The following NOS1AP variants were observed in gnomAD, a reference collection of about 807,000 sequenced individuals.
The protein encoded by NOS1AP is carboxyl-terminal PDZ ligand of neuronal nitric oxide synthase protein.
In NOS1AP, 21 loss-of-function variants were observed where a neutral mutation model predicts 56.2. The observed-to-expected ratio is 0.37, with a 90% confidence interval of 0.26 to 0.54. The LOEUF is 0.54. Ranked by LOEUF, NOS1AP falls within the 20% of genes least tolerant of loss-of-function variation. The pLI is 0.84. For missense variants in NOS1AP, 522 were observed against 657.8 expected (o/e 0.79, Z 2.26); for synonymous variants, 270 against 274.6 (o/e 0.98, Z 0.17).
chr1:162,285,569 C>A (rs1655063288), intron 2 of NOS1AP, among the ~76,000 whole-genome samples: 1 of 151,686 alleles, frequency 6.6e-6, no homozygotes, highest in South Asian at 2.1e-4. Context: ...TGTTATATGG[C>A]TGAGGTCCTG....
intron 6 of NOS1AP, among the ~76,000 whole-genome samples, chr1:162,353,135 A>G (rs1657579304): frequency 6.8e-6 from 1 of 147,488 alleles, no homozygotes; most frequent in Non-Finnish European, 1.5e-5. Flanking sequence ...GTCTTCACTC[A>G]AGCCCTCATA....
chr1:162,141,451 A>G (rs1649231593), intron 1 of NOS1AP, among the ~76,000 whole-genome samples: 1 of 152,246 alleles, frequency 6.6e-6, no homozygotes, highest in Non-Finnish European at 1.5e-5. Context: ...TGATCATTGA[A>G]CATTAGTCAG....
At chr1:162,272,277 T>C (rs1654603496) in intron 2 of NOS1AP, among the ~76,000 whole-genome samples, 1 of 152,154 alleles carries the variant, frequency 6.6e-6, no homozygotes, top group Non-Finnish European at 1.5e-5. Context: ...ATTCTAGAGG[T>C]ACACTAACAT....
At chr1:162,326,046 C>G (rs919204059) in intron 4 of NOS1AP, among the ~76,000 whole-genome samples, 1 of 152,128 alleles carries the variant, frequency 6.6e-6, no homozygotes, top group Non-Finnish European at 1.5e-5. Flanking sequence ...CATCTGTTGT[C>G]GCATCTGAAC....
At chr1:162,277,301 G>T (rs539395912) in intron 2 of NOS1AP, among the ~76,000 whole-genome samples, 1 of 152,156 alleles carries the variant, frequency 6.6e-6, no homozygotes, top group Non-Finnish European at 1.5e-5. Context: ...ATGATTGCTC[G>T]ACAGAGACAA....
chr1:162,138,771 G>A (rs1649108327), intron 1 of NOS1AP, among the ~76,000 whole-genome samples: 1 of 152,234 alleles, frequency 6.6e-6, no homozygotes, highest in African/African-American at 2.4e-5. Context: ...GGCAGCACCT[G>A]TGGCACCCCT....
At chr1:162,290,509 G>C (rs530599592) in intron 3 of NOS1AP, among the ~76,000 whole-genome samples, 333 of 152,272 alleles carry the variant, frequency 2.2e-3, no homozygotes, top group Admixed American at 4.0e-3. Flanking sequence ...TTGTGTAAAT[G>C]CACAATTTTC....
chr1:162,294,698 CTAGTT>C (rs1487460579), intron 3 of NOS1AP, among the ~76,000 whole-genome samples: 2 of 152,112 alleles, frequency 1.3e-5, no homozygotes, highest in African/African-American at 2.4e-5. Flanking sequence ...TTAATAAACT[CTAGTT>C]TAGAGACCTC....
chr1:162,166,620 C>G (rs1474750146), intron 2 of NOS1AP, among the ~76,000 whole-genome samples: 1 of 152,224 alleles, frequency 6.6e-6, no homozygotes, highest in Non-Finnish European at 1.5e-5. Context: ...ACCTTTGTTT[C>G]TGCATGCATC....
chr1:162,289,453 AC>A (rs1655211735), intron 3 of NOS1AP, among the ~76,000 whole-genome samples: 1 of 124,158 alleles, frequency 8.1e-6, no homozygotes, highest in South Asian at 2.8e-4. Context: ...GCCTGCCACC[AC>A]GCCCAGCTAC....
chr1:162,088,288 A>G (rs1241470805), intron 1 of NOS1AP, among the ~76,000 whole-genome samples: 1 of 152,072 alleles, frequency 6.6e-6, no homozygotes, highest in Non-Finnish European at 1.5e-5. Flanking sequence ...GTACTTTGCA[A>G]CCCTGCTGCA....
At chr1:162,256,998 A>C (rs1406887750) in intron 2 of NOS1AP, among the ~76,000 whole-genome samples, 7 of 152,172 alleles carry the variant, frequency 4.6e-5, no homozygotes, top group African/African-American at 1.7e-4. Context: ...CCTAAGTGAA[A>C]CTGACTTTTG....
At chr1:162,230,179 A>G (rs1653078841) in intron 2 of NOS1AP, among the ~76,000 whole-genome samples, 1 of 152,142 alleles carries the variant, frequency 6.6e-6, no homozygotes, top group African/African-American at 2.4e-5. Context: ...TCACTGGAGC[A>G]CCACAGGACA....
chr1:162,146,544 G>C (rs1046999267), intron 1 of NOS1AP, among the ~76,000 whole-genome samples: 1 of 152,046 alleles, frequency 6.6e-6, no homozygotes, highest in Non-Finnish European at 1.5e-5. Flanking sequence ...TTTTCTGCCT[G>C]AGCTCCAGCC....
rs188247044 is a variant in NOS1AP at position 162,300,005 on chromosome 1, C to G, written c.271-628C>G. ...ACTGTATACCCCTTGCGCTTTCCCCCCTCTTGAGTCCTTCTTTCATGGATG... is the reference window on the plus strand; with the variant it reads ...ACTGTATACCCCTTGCGCTTTCCCCGCTCTTGAGTCCTTCTTTCATGGATG... On this transcript the variant is annotated intron_variant, in intron 3 of 9. Transcript: ENST00000361897. 1.1e-4 allele frequency among the ~76,000 whole-genome samples: 17 copies of G among 152,246 alleles called. No individual in the cohort carries two copies. In the East Asian group the frequency reaches 3.3e-3, roughly 29 times the overall value.
intron 2 of NOS1AP, among the ~76,000 whole-genome samples, chr1:162,203,831 T>G (rs1337766039): frequency 2.0e-5 from 3 of 152,166 alleles, no homozygotes; most frequent in Admixed American, 2.0e-4. Flanking sequence ...GAGGATTTGG[T>G]CTTTTTCCTC....
chr1:162,201,374 C>T (rs1651985464), intron 2 of NOS1AP, among the ~76,000 whole-genome samples: 1 of 152,014 alleles, frequency 6.6e-6, no homozygotes, highest in Admixed American at 6.6e-5. Context: ...AGGTTGATTC[C>T]ATGTCTTTGC....
At chr1:162,132,943 G>C (rs922256197) in intron 1 of NOS1AP, among the ~76,000 whole-genome samples, 2 of 152,198 alleles carry the variant, frequency 1.3e-5, no homozygotes, top group African/African-American at 4.8e-5. Flanking sequence ...TTCTGTCAGA[G>C]CTATACACTT....
At chr1:162,172,818 C>G (rs1650860648) in intron 2 of NOS1AP, among the ~76,000 whole-genome samples, 1 of 152,088 alleles carries the variant, frequency 6.6e-6, no homozygotes, top group Non-Finnish European at 1.5e-5. Context: ...AATAACTATG[C>G]TGATGTTGAG....
Sources: allele counts gnomAD v4.1 joint callset (sites outside exome capture counted in the v4.1 genomes callset), GRCh38; gene constraint gnomAD v4.1.1; transcripts MANE v1.5; gene names NCBI Gene and HGNC (gene_info 2026-07-23, HGNC 2026-07-21).